CHL1: variants seen among roughly 807,000 people sequenced by gnomAD.
CHL1 encodes the protein neural cell adhesion molecule L1-like protein.
CHL1 carries 96 observed loss-of-function variants against 141.9 expected under a neutral mutation model. That is an observed-to-expected ratio of 0.68 (90% confidence interval 0.57 to 0.80). CHL1 has a LOEUF of 0.80. Ranked by LOEUF, CHL1 falls within the 30% of genes least tolerant of loss-of-function variation. CHL1 has a pLI of 0.00. For synonymous variants in CHL1, 613 were observed against 502.2 expected (o/e 1.22, Z -2.95); for missense variants, 1,820 against 1,457.2 (o/e 1.25, Z -4.05).
At position 389,400 on chromosome 3, in the gene CHL1, T is replaced by C. The variant is rs745826265; in HGVS notation, c.2396T>C (p.Val799Ala). The C allele has an allele frequency of 6.2e-7, 1 of 1,614,216 alleles. No homozygotes were observed. The highest frequency in any genetic ancestry group is 1.1e-5 in the South Asian group (1 of 91,088). ...MTPAVYAPYD[V>A]KVQAINQLGS... Reference sequence around the variant, plus strand: ...CCTGCTGTCTATGCCCCTTATGATGTCAAGGTCCAGGCTATCAATCAACTA... The same window carrying C: ...CCTGCTGTCTATGCCCCTTATGATGCCAAGGTCCAGGCTATCAATCAACTA... The change falls in exon 20 of 28, where the codon GTC becomes GCC. Residue 799 changes from valine to alanine, a missense_variant. Val to Ala is a moderately conservative substitution (Grantham distance 64, BLOSUM62 0). Coordinates refer to ENST00000256509, the MANE Select transcript of CHL1 (RefSeq NM_006614.4).
At chr3:375,109 A>T (rs1010400982) in intron 15 of CHL1, among the ~76,000 whole-genome samples, 5 of 152,030 alleles carry the variant, frequency 3.3e-5, no homozygotes, top group Non-Finnish European at 7.4e-5. Context: ...TATTAGGTAG[A>T]TTGAAATGCC....
chr3:217,926 A>T (rs1700467184), intron 1 of CHL1, among the ~76,000 whole-genome samples: 1 of 152,190 alleles, frequency 6.6e-6, no homozygotes, highest in African/African-American at 2.4e-5. Context: ...AAGGGAGATA[A>T]GAACAGCTTA....
intron 20 of CHL1, among the ~76,000 whole-genome samples, chr3:390,292 A>C (rs1209060457): frequency 1.3e-5 from 2 of 152,230 alleles, no homozygotes; most frequent in Admixed American, 1.3e-4. Context: ...TGTATGAACC[A>C]ATTTAGGTAA....
In CHL1 at chr3:383,877, A is replaced by G. The variant is rs1001925452; in HGVS notation, c.2238A>G (p.Ile746Met). 1 of 1,607,798 alleles carries G rather than the reference A, an allele frequency of 6.2e-7. No homozygotes were observed. The highest frequency in any genetic ancestry group is 8.5e-7 in the Non-Finnish European group (1 of 1,175,476). ...VQASQPKEMI[I>M]KWEPLKSMEQ... Reference sequence around the variant, plus strand: ...CCTCTCAACCCAAGGAAATGATTATAAAGTGGGAGGTGTGTATTTCTTAAT... The same window carrying G: ...CCTCTCAACCCAAGGAAATGATTATGAAGTGGGAGGTGTGTATTTCTTAAT... Residue 746 changes from isoleucine to methionine, a missense_variant, in exon 19 of 28, where the codon ATA (isoleucine) becomes ATG (methionine). Coordinates refer to ENST00000256509, the MANE Select transcript of CHL1 (RefSeq NM_006614.4).
intron 2 of CHL1, chr3:248,511 A>G (rs546089604): frequency 1.3e-5 from 2 of 152,180 alleles, no homozygotes; most frequent in East Asian, 3.9e-4. Flanking sequence ...GACATATTTA[A>G]TGTGTACAAT....
At chr3:386,772 TAAG>T (rs1166627210) in intron 19 of CHL1, among the ~76,000 whole-genome samples, 1 of 152,080 alleles carries the variant, frequency 6.6e-6, no homozygotes, top group Non-Finnish European at 1.5e-5. Context: ...ACAAGTATAA[TAAG>T]AAGACCTACT....
At chr3:344,770 C>G in intron 9 of CHL1, 61 bp downstream of exon 9, 1 of 1,529,246 alleles carries the variant, frequency 6.5e-7, no homozygotes, top group South Asian at 1.2e-5. Flanking sequence ...AATAAGACAT[C>G]AAGCACATTA....
chr3:405,344 T>C (rs1266271693), intron 27 of CHL1, 151 bp from the exon 28 acceptor site: 7 of 581,802 alleles, frequency 1.2e-5, no homozygotes, highest in Non-Finnish European at 2.1e-5. Flanking sequence ...TAAACATTTG[T>C]GGTAGTATCA....
At chr3:267,792 A>T (rs556465898) in intron 2 of CHL1, among the ~76,000 whole-genome samples, 2 of 152,248 alleles carry the variant, frequency 1.3e-5, no homozygotes, top group Non-Finnish European at 2.9e-5. Context: ...AAGACTCAAG[A>T]TGTGTTTTCT....
At chr3:328,595 T>C (rs879489058) in intron 5 of CHL1, 2 of 350,002 alleles carry the variant, frequency 5.7e-6, no homozygotes, top group Admixed American at 4.6e-5. Flanking sequence ...AAATATAATA[T>C]CTGCTTTGCC....
At chr3:251,375 G>T (rs1211388289) in intron 2 of CHL1, among the ~76,000 whole-genome samples, 1 of 152,108 alleles carries the variant, frequency 6.6e-6, no homozygotes. Flanking sequence ...CTTTTCGGTT[G>T]AAGATTTGGA....
chr3:218,538 A>G (rs1249082926), intron 1 of CHL1, among the ~76,000 whole-genome samples: 1 of 152,204 alleles, frequency 6.6e-6, no homozygotes, highest in Non-Finnish European at 1.5e-5. Context: ...TAGAAAATAA[A>G]TTATGTTGAC....
intron 13 of CHL1, 108 bp from the exon 14 acceptor site, chr3:363,109 T>A: frequency 3.5e-6 from 3 of 864,836 alleles, no homozygotes; most frequent in Non-Finnish European, 5.3e-6. Flanking sequence ...CATGAGGTTT[T>A]CTGAGCTATT....
intron 16 of CHL1, among the ~76,000 whole-genome samples, chr3:379,921 G>A (rs1404663812): frequency 1.3e-5 from 2 of 151,840 alleles, no homozygotes; most frequent in East Asian, 1.9e-4. Context: ...TTTACCCCCT[G>A]GAAAACAATT....
chr3:301,014 C>T (rs1429615598), intron 2 of CHL1, among the ~76,000 whole-genome samples: 1 of 152,100 alleles, frequency 6.6e-6, no homozygotes, highest in Non-Finnish European at 1.5e-5. Context: ...GAGTCCAGAG[C>T]ACTCAGAATT....
chr3:382,367 A>G (rs944409303), intron 17 of CHL1, 87 bp downstream of exon 17: 1 of 1,466,142 alleles, frequency 6.8e-7, no homozygotes, highest in Non-Finnish European at 9.5e-7. Flanking sequence ...TTACTGGTTT[A>G]TTCTTCTTAT....
At chr3:255,396 T>C (rs1239683328) in intron 2 of CHL1, among the ~76,000 whole-genome samples, 1 of 152,194 alleles carries the variant, frequency 6.6e-6, no homozygotes, top group Non-Finnish European at 1.5e-5. Flanking sequence ...CTATGCTGCA[T>C]TGACTTACAA....
At chr3:266,823 A>C (rs1347193514) in intron 2 of CHL1, among the ~76,000 whole-genome samples, 1 of 152,196 alleles carries the variant, frequency 6.6e-6, no homozygotes, top group Non-Finnish European at 1.5e-5. Flanking sequence ...GCACTTTAAG[A>C]TGCAATTATT....
chr3:387,208 T>C (rs140393546), intron 19 of CHL1, among the ~76,000 whole-genome samples: 25 of 152,330 alleles, frequency 1.6e-4, no homozygotes, highest in African/African-American at 5.8e-4. Flanking sequence ...AACAATATCA[T>C]TGGTTTCTCA....
Sources: gnomAD v4.1 joint callset for allele counts (sites outside exome capture counted in the v4.1 genomes callset) on GRCh38, gnomAD v4.1.1 for gene constraint, MANE v1.5 for transcripts, NCBI Gene and HGNC (gene_info 2026-07-23, HGNC 2026-07-21) for gene names.